Variants in ANK1 observed in about 807,000 individuals in gnomAD.
ANK1 encodes the protein ankyrin 1, also known as ankyrin-1.
A neutral mutation model predicts 210.4 loss-of-function variants in ANK1; 51 were observed. The ratio of observed to expected loss-of-function variants is 0.24; its 90% CI spans 0.19 to 0.31. ANK1 has a LOEUF of 0.31. ANK1 is among the 10% of genes least tolerant of loss of function. ANK1 has a pLI of 1.00. For missense variants in ANK1, 2,051 were observed against 2,504.4 expected (o/e 0.82, Z 3.86); for synonymous variants, 967 against 1,025.9 (o/e 0.94, Z 1.10).
chr8:41,725,457 C>T (rs1304114206), intron 6 of ANK1, among the ~76,000 whole-genome samples: 1 of 152,080 alleles, frequency 6.6e-6, no homozygotes, highest in Non-Finnish European at 1.5e-5. Context: ...GAAGGAACAT[C>T]AGGAAGGCCG....
At chr8:41,696,079 G>C (rs1006415697) in intron 26 of ANK1, among the ~76,000 whole-genome samples, 53 of 152,288 alleles carry the variant, frequency 3.5e-4, no homozygotes, top group African/African-American at 1.3e-3. Flanking sequence ...TTACAACGAC[G>C]GGGTCTTGCT....
At chr8:41,691,939 T>G (rs1819378072) in intron 31 of ANK1, among the ~76,000 whole-genome samples, 1 of 152,248 alleles carries the variant, frequency 6.6e-6, no homozygotes, top group East Asian at 1.9e-4. Flanking sequence ...GCGATCCTCC[T>G]GCCTCAGCCT....
chr8:41,877,350 G>C (rs961827438), intron 1 of ANK1, among the ~76,000 whole-genome samples: 2 of 152,272 alleles, frequency 1.3e-5, no homozygotes, highest in African/African-American at 4.8e-5. Flanking sequence ...GATGGTGGGA[G>C]ATGTGTGTTG....
rs1360381124 is a variant in ANK1 at position 41,654,135 on chromosome 8, A to T, written c.*1655T>A. On this transcript the variant is annotated 3_prime_UTR_variant, in exon 43 of 43. Transcript: ENST00000289734. ...ACACCGCGGCTCCAGGGGCGAGAGGAGCCAGCCCTGTCTCTCTCTCCTGGC... is the reference window on the plus strand; with the variant it reads ...ACACCGCGGCTCCAGGGGCGAGAGGTGCCAGCCCTGTCTCTCTCTCCTGGC... 6.6e-6 allele frequency: 1 copy of T among 152,178 alleles called. No homozygotes were observed. The highest frequency in any genetic ancestry group is 6.6e-5 in the Admixed American group (1 of 15,266). 9.4% of individuals were successfully genotyped at this position (152,178 alleles called of 1,614,324 possible).
intron 1 of ANK1, among the ~76,000 whole-genome samples, chr8:41,875,883 CT>C (rs1315820251): frequency 2.6e-5 from 4 of 152,182 alleles, no homozygotes; most frequent in Non-Finnish European, 5.9e-5. Flanking sequence ...AGAAAGGAAC[CT>C]GAGCACACCC....
At chr8:41,717,574 G>T (rs746948631) in intron 12 of ANK1, 30 bp downstream of exon 12, 76 of 1,537,006 alleles carry the variant, frequency 4.9e-5, no homozygotes, top group Admixed American at 4.7e-4. Context: ...TGGTCTAGGG[G>T]AGCAAGCCCC....
At chr8:41,791,814 G>A (rs1847792657) in intron 1 of ANK1, among the ~76,000 whole-genome samples, 1 of 152,186 alleles carries the variant, frequency 6.6e-6, no homozygotes, top group Non-Finnish European at 1.5e-5. Flanking sequence ...CACCCTGGGG[G>A]AGGGCCACAG....
chr8:41,719,559 C>T (rs900648062), intron 10 of ANK1, 102 bp downstream of exon 10: 26 of 1,492,280 alleles, frequency 1.7e-5, no homozygotes, highest in Middle Eastern at 2.3e-4. Flanking sequence ...TGGGGAGCTC[C>T]GGGCACCTGC....
chr8:41,794,806 G>A (rs1848444702), intron 1 of ANK1, among the ~76,000 whole-genome samples: 1 of 152,190 alleles, frequency 6.6e-6, no homozygotes, highest in Admixed American at 6.5e-5. Context: ...CCAGGTTCAA[G>A]CGATTCTCCT....
intron 33 of ANK1, among the ~76,000 whole-genome samples, chr8:41,689,685 T>C (rs1818735401): frequency 2.0e-5 from 3 of 152,068 alleles, no homozygotes; most frequent in Admixed American, 6.6e-5. Context: ...CAAATGAACA[T>C]ACGTGGCCAA....
At chr8:41,682,841 C>T (rs1315935176) in intron 37 of ANK1, among the ~76,000 whole-genome samples, 5 of 152,212 alleles carry the variant, frequency 3.3e-5, no homozygotes, top group Admixed American at 3.3e-4. Flanking sequence ...GAAGTCTCGA[C>T]ACATGGGAAG....
chr8:41,892,947 G>C (rs1264302390), intron 1 of ANK1, among the ~76,000 whole-genome samples: 1 of 142,356 alleles, frequency 7.0e-6, no homozygotes, highest in Non-Finnish European at 1.5e-5. Context: ...GACAAGGAGA[G>C]AGCTGAGTAA....
intron 2 of ANK1, among the ~76,000 whole-genome samples, chr8:41,756,366 G>A (rs771581155): frequency 2.2e-4 from 34 of 151,358 alleles, no homozygotes; most frequent in Non-Finnish European, 4.0e-4. Context: ...GGCTAGTCTC[G>A]AACTTCTGAC....
chr8:41,895,448 G>T (rs891607604), intron 1 of ANK1, among the ~76,000 whole-genome samples: 1 of 152,198 alleles, frequency 6.6e-6, no homozygotes, highest in African/African-American at 2.4e-5. Flanking sequence ...TCTGACCTAA[G>T]GTGCTTCTCA....
chr8:41,684,356 G>A (rs1817038285), intron 37 of ANK1, 188 bp downstream of exon 37: 3 of 952,996 alleles, frequency 3.1e-6, no homozygotes, highest in Non-Finnish European at 4.9e-6. Flanking sequence ...CACAGGAGCA[G>A]CCATCTCTCT....
In ANK1 at chr8:41,704,365, C is replaced by A. The variant is rs200942986; in HGVS notation, c.2196+9G>T. On this transcript the variant is annotated intron_variant, in intron 19 of 42. Coordinates refer to ENST00000289734, the MANE Select transcript of ANK1 (RefSeq NM_000037.4). The surrounding 1 kb of genome is among the most constrained non-coding windows in gnomAD (Gnocchi z 4.1). ...CAGTGCAGGAGTCGGGGCTGGGGCA[C>A]CCCTGTACCTTGGTCTTGGCATTGA... The A allele has an allele frequency of 9.9e-6, 16 of 1,613,310 alleles. No homozygotes were observed. Among genetic ancestry groups the A allele is most frequent in the East Asian group, 2.2e-5 (1 of 44,876 alleles).
At chr8:41,664,856 G>A (rs565535918) in intron 39 of ANK1, 56 of 1,613,352 alleles carry the variant, frequency 3.5e-5, no homozygotes, top group East Asian at 2.5e-4. Context: ...TCTCCTCGTC[G>A]TCACTGAGGC....
At chr8:41,894,660 G>C (rs1820102392) in intron 1 of ANK1, among the ~76,000 whole-genome samples, 1 of 152,162 alleles carries the variant, frequency 6.6e-6, no homozygotes, top group Non-Finnish European at 1.5e-5. Flanking sequence ...TGAGTGAGCA[G>C]CTCGGAGAGG....
chr8:41,698,328 A>G (rs911418496), intron 23 of ANK1, among the ~76,000 whole-genome samples: 1 of 152,194 alleles, frequency 6.6e-6, no homozygotes, highest in African/African-American at 2.4e-5. Context: ...CTACCTTTAG[A>G]ACCTGTTGAC....
Sources: allele counts gnomAD v4.1 joint callset (sites outside exome capture counted in the v4.1 genomes callset), GRCh38; gene constraint gnomAD v4.1.1; non-coding constraint Gnocchi (gnomAD v3.1); transcripts MANE v1.5; gene names NCBI Gene and HGNC (gene_info 2026-07-23, HGNC 2026-07-21).